The following DPYD variants were observed in gnomAD, a reference collection of about 807,000 sequenced individuals.
DPYD encodes the protein dihydropyrimidine dehydrogenase.
A neutral mutation model predicts 116.2 loss-of-function variants in DPYD; 109 were observed. The observed-to-expected ratio is 0.94, with a 90% CI of 0.80 to 1.10. DPYD has a LOEUF of 1.10. Ranked by LOEUF, DPYD falls within the 50% of genes least tolerant of loss-of-function variation. DPYD has a pLI of 0.00. For synonymous variants in DPYD, 440 were observed against 432.0 expected (o/e 1.02, Z -0.23); for missense variants, 1,302 against 1,254.5 (o/e 1.04, Z -0.57).
At chr1:97,665,355 G>A (rs1659499922) in intron 8 of DPYD, among the ~76,000 whole-genome samples, 1 of 152,032 alleles carries the variant, frequency 6.6e-6, no homozygotes, top group Non-Finnish European at 1.5e-5. Flanking sequence ...AAGTGATCAT[G>A]CCTCCCATAA....
chr1:97,297,208 T>C (rs908924246), intron 18 of DPYD, among the ~76,000 whole-genome samples: 12 of 152,216 alleles, frequency 7.9e-5, no homozygotes, highest in East Asian at 7.7e-4. Context: ...TCCAAAAGCA[T>C]AGCAAGTAAA....
At chr1:97,608,958 T>C (rs1440632658) in intron 8 of DPYD, among the ~76,000 whole-genome samples, 1 of 151,900 alleles carries the variant, frequency 6.6e-6, no homozygotes, top group African/African-American at 2.4e-5. Context: ...AATTCACGAA[T>C]TATACTAACA....
At chr1:97,316,513 CAATAA>C (rs57832711) in intron 16 of DPYD, among the ~76,000 whole-genome samples, 25,422 of 123,936 alleles carry the variant, frequency 0.21, 2,686 homozygotes, top group Middle Eastern at 0.34. Context: ...GACTCTGTCT[CAATAA>C]AATAAAATAA....
At chr1:97,797,479 G>A (rs1025593742) in intron 3 of DPYD, 1 of 151,870 alleles carries the variant, frequency 6.6e-6, no homozygotes. Flanking sequence ...ACAGAATTTT[G>A]AAGAGAGAAT....
intron 22 of DPYD, among the ~76,000 whole-genome samples, chr1:97,081,352 T>C (rs1649135032): frequency 6.6e-6 from 1 of 152,094 alleles, no homozygotes; most frequent in Non-Finnish European, 1.5e-5. Context: ...AACAATATTG[T>C]ATAGTTTTTA....
chr1:97,362,078 T>C lies in DPYD; in HGVS notation c.2058+11483A>G, dbSNP rs549200486. ...CCCCATAGTCTCAGCCCAAAATCTC[T>C]TTAAGCTGATAAGCAACTTCAGCAA... On this transcript the variant is annotated intron_variant, in intron 16 of 22. Transcript: ENST00000370192. Among the ~76,000 whole-genome samples the C allele has an allele frequency of 1.5e-3, 230 of 152,296 alleles. 1 individual carries two copies. The highest frequency in any genetic ancestry group is 0.01 in the Middle Eastern group (3 of 294).
At chr1:97,766,101 C>T (rs922888306) in intron 3 of DPYD, among the ~76,000 whole-genome samples, 3 of 151,888 alleles carry the variant, frequency 2.0e-5, no homozygotes, top group South Asian at 2.1e-4. Context: ...ATTAGCCATG[C>T]GTGGTGACAC....
At chr1:97,222,653 T>C (rs943962342) in intron 19 of DPYD, among the ~76,000 whole-genome samples, 6 of 152,118 alleles carry the variant, frequency 3.9e-5, no homozygotes, top group African/African-American at 1.4e-4. Context: ...AGAACATCAT[T>C]GAATGGATAA....
intron 2 of DPYD, among the ~76,000 whole-genome samples, chr1:97,853,133 A>T (rs559528465): frequency 6.6e-6 from 1 of 152,270 alleles, no homozygotes; most frequent in African/African-American, 2.4e-5. Flanking sequence ...TCCTGCACTA[A>T]ACATTATGAG....
intron 13 of DPYD, among the ~76,000 whole-genome samples, chr1:97,515,460 T>C (rs925146410): frequency 1.3e-5 from 2 of 151,918 alleles, no homozygotes; most frequent in Non-Finnish European, 2.9e-5. Context: ...AAATAAGAGT[T>C]TGAGATTATT....
At chr1:97,897,160 C>T (rs1158435298) in intron 1 of DPYD, among the ~76,000 whole-genome samples, 8 of 151,846 alleles carry the variant, frequency 5.3e-5, no homozygotes, top group African/African-American at 1.9e-4. Flanking sequence ...GGTTTTTGAA[C>T]TCTAATTTCA....
At chr1:97,265,389 AT>A (rs1477996885) in intron 18 of DPYD, 1 of 151,960 alleles carries the variant, frequency 6.6e-6, no homozygotes, top group African/African-American at 2.4e-5. Flanking sequence ...ATTCTTATGT[AT>A]TTTTTATTCT....
chr1:97,643,797 G>C (rs1206890238), intron 8 of DPYD, among the ~76,000 whole-genome samples: 1 of 152,130 alleles, frequency 6.6e-6, no homozygotes, highest in Non-Finnish European at 1.5e-5. Flanking sequence ...CATGGATGAA[G>C]CTGGAAACCA....
intron 20 of DPYD, among the ~76,000 whole-genome samples, chr1:97,191,152 C>A (rs558527287): frequency 6.6e-6 from 1 of 151,628 alleles, no homozygotes; most frequent in African/African-American, 2.4e-5. Flanking sequence ...GAGAATGATG[C>A]ACATGTACCC....
chr1:97,394,273 C>T (rs907696421), intron 14 of DPYD: 1 of 152,094 alleles, frequency 6.6e-6, no homozygotes, highest in Admixed American at 6.6e-5. Context: ...GTTTCTTTTG[C>T]TGTGCAGAAG....
chr1:97,752,891 T>C (rs1571302498), intron 3 of DPYD, among the ~76,000 whole-genome samples: 1 of 152,338 alleles, frequency 6.6e-6, no homozygotes, highest in Non-Finnish European at 1.5e-5. Flanking sequence ...TTGAGGTTAG[T>C]CTACTTGGAA....
intron 14 of DPYD, among the ~76,000 whole-genome samples, chr1:97,386,122 T>A (rs974848285): frequency 2.0e-5 from 3 of 152,080 alleles, no homozygotes; most frequent in African/African-American, 7.2e-5. Flanking sequence ...TTGTATGCTC[T>A]GAGCAGCCAA....
chr1:97,555,020 T>C (rs1651589403), intron 11 of DPYD, among the ~76,000 whole-genome samples: 1 of 152,184 alleles, frequency 6.6e-6, no homozygotes, highest in South Asian at 2.1e-4. Context: ...CTCGGTCATA[T>C]ACTTGGACTG....
At chr1:97,317,144 T>C (rs1667905242) in intron 16 of DPYD, among the ~76,000 whole-genome samples, 1 of 152,004 alleles carries the variant, frequency 6.6e-6, no homozygotes, top group Non-Finnish European at 1.5e-5. Context: ...ACTTTCTTTA[T>C]GTGTGGGATA....
Sources: gnomAD v4.1 joint callset for allele counts (sites outside exome capture counted in the v4.1 genomes callset) on GRCh38, gnomAD v4.1.1 for gene constraint, MANE v1.5 for transcripts, NCBI Gene and HGNC (gene_info 2026-07-23, HGNC 2026-07-21) for gene names.